The following NPAS3 variants were observed in gnomAD, a reference collection of about 807,000 sequenced individuals.
The protein encoded by NPAS3 is neuronal PAS domain protein 3.
A neutral mutation model predicts 73.1 loss-of-function variants in NPAS3; 14 were observed. The ratio of observed to expected loss-of-function variants is 0.19; its 90% confidence interval spans 0.13 to 0.30. The LOEUF (loss-of-function observed/expected upper bound fraction) is 0.30, where lower values mean the gene tolerates loss of function less well. Ranked by LOEUF, NPAS3 falls within the 10% of genes least tolerant of loss-of-function variation. NPAS3 has a pLI of 1.00. For missense variants in NPAS3, 1,096 were observed against 1,250.0 expected (o/e 0.88, Z 1.86); for synonymous variants, 620 against 541.5 (o/e 1.14, Z -2.01).
intron 4 of NPAS3, among the ~76,000 whole-genome samples, chr14:33,458,579 A>G (rs1422295493): frequency 6.6e-6 from 1 of 152,232 alleles, no homozygotes; most frequent in African/African-American, 2.4e-5. Context: ...TAACATTAGC[A>G]TGTTAATTGT....
chr14:33,368,030 CT>C (rs930961162), intron 4 of NPAS3, among the ~76,000 whole-genome samples: 6 of 152,132 alleles, frequency 3.9e-5, no homozygotes, highest in African/African-American at 1.4e-4. Flanking sequence ...GCCATGGCCA[CT>C]TTTTTTAATC....
rs1180999489 is a variant in NPAS3 at position 33,177,664 on chromosome 14, AC to A, written c.141-37517del. Among the ~76,000 whole-genome samples the A allele has an allele frequency of 2.8e-3, 426 of 152,262 alleles. 2 individuals are homozygous for A. The highest frequency in any genetic ancestry group is 9.7e-3 in the African/African-American group (405 of 41,562). ...TATAGTTTTAGCATTGATCCATTTT[AC>A]ATTCAATTTTGTAATTGCTATGACG... On this transcript the variant is annotated intron_variant, in intron 2 of 11. Transcript: ENST00000356141.
chr14:33,585,694 T>C (rs1350944281), intron 5 of NPAS3, among the ~76,000 whole-genome samples: 1 of 152,218 alleles, frequency 6.6e-6, no homozygotes, highest in Non-Finnish European at 1.5e-5. Context: ...TCAGAACTAA[T>C]GTCATTAATG....
intron 4 of NPAS3, among the ~76,000 whole-genome samples, chr14:33,529,368 G>T (rs1372974624): frequency 6.6e-6 from 1 of 152,054 alleles, no homozygotes. Context: ...GGGTATTTTA[G>T]ACAAAATAAC....
At chr14:33,405,704 C>T (rs1309778052) in intron 4 of NPAS3, among the ~76,000 whole-genome samples, 1 of 152,108 alleles carries the variant, frequency 6.6e-6, no homozygotes, top group Non-Finnish European at 1.5e-5. Flanking sequence ...TCTATAGGAA[C>T]ATAAAATTCA....
chr14:32,943,134 G>A (rs1305179179), intron 1 of NPAS3, among the ~76,000 whole-genome samples: 1 of 151,776 alleles, frequency 6.6e-6, no homozygotes, highest in East Asian at 1.9e-4. Flanking sequence ...ATTCCTTACA[G>A]TGAGCAAATG....
intron 5 of NPAS3, among the ~76,000 whole-genome samples, chr14:33,649,281 G>A (rs2058921847): frequency 1.3e-5 from 2 of 152,186 alleles, no homozygotes; most frequent in South Asian, 2.1e-4. Flanking sequence ...ACTTACAGCA[G>A]CTGGCCAGAT....
chr14:33,184,322 GA>G (rs2045909127), intron 2 of NPAS3, among the ~76,000 whole-genome samples: 1 of 152,158 alleles, frequency 6.6e-6, no homozygotes. Flanking sequence ...AGAGGCCCTG[GA>G]GAGGAGAGTG....
At chr14:33,456,000 G>T (rs574199223) in intron 4 of NPAS3, among the ~76,000 whole-genome samples, 1 of 152,302 alleles carries the variant, frequency 6.6e-6, no homozygotes, top group East Asian at 1.9e-4. Context: ...GAATATGGCA[G>T]TTTTTCTGCA....
intron 2 of NPAS3, among the ~76,000 whole-genome samples, chr14:33,088,534 G>A (rs112164534): frequency 1.9e-4 from 29 of 152,340 alleles, no homozygotes; most frequent in East Asian, 1.9e-4. Flanking sequence ...TAAACAAAGC[G>A]GCCAGGAAAC....
intron 1 of NPAS3, among the ~76,000 whole-genome samples, chr14:33,018,048 A>G (rs1440722597): frequency 6.6e-6 from 1 of 152,036 alleles, no homozygotes; most frequent in African/African-American, 2.4e-5. Context: ...AAAAAAAAGA[A>G]ACTGGTCCCA....
At chr14:33,774,701 A>G (rs2062758448) in intron 8 of NPAS3, among the ~76,000 whole-genome samples, 171 bp downstream of exon 8, 1 of 152,140 alleles carries the variant, frequency 6.6e-6, no homozygotes, top group South Asian at 2.1e-4. Flanking sequence ...TAAAATTTAC[A>G]TTGCTGCCCT....
intron 2 of NPAS3, among the ~76,000 whole-genome samples, chr14:33,086,904 C>G (rs953594691): frequency 6.6e-6 from 1 of 151,806 alleles, no homozygotes; most frequent in East Asian, 1.9e-4. Flanking sequence ...CTGGCATTAC[C>G]TGAAAATAGA....
intron 2 of NPAS3, among the ~76,000 whole-genome samples, chr14:33,197,596 A>T (rs2046418449): frequency 6.6e-6 from 1 of 152,210 alleles, no homozygotes; most frequent in African/African-American, 2.4e-5. Context: ...TAAAAAATAA[A>T]GGTAAAAGGT....
intron 6 of NPAS3, among the ~76,000 whole-genome samples, chr14:33,687,161 T>C (rs1029709834): frequency 6.6e-6 from 1 of 152,158 alleles, no homozygotes; most frequent in Non-Finnish European, 1.5e-5. Context: ...CTAGAAACTA[T>C]GGAGGTCTTA....
At chr14:33,304,166 A>G (rs984653253) in intron 3 of NPAS3, among the ~76,000 whole-genome samples, 6 of 152,212 alleles carry the variant, frequency 3.9e-5, no homozygotes, top group African/African-American at 1.4e-4. Flanking sequence ...AGAAACCTCC[A>G]TAGTTGCTCT....
At chr14:33,659,557 G>A (rs1388064498) in intron 5 of NPAS3, among the ~76,000 whole-genome samples, 1 of 152,102 alleles carries the variant, frequency 6.6e-6, no homozygotes, top group Non-Finnish European at 1.5e-5. Flanking sequence ...GAACTTATTA[G>A]CCTCAAAGAC....
intron 1 of NPAS3, among the ~76,000 whole-genome samples, chr14:33,055,631 T>G (rs1165309123): frequency 1.3e-5 from 2 of 151,978 alleles, no homozygotes; most frequent in Non-Finnish European, 2.9e-5. Context: ...TAGACCTATG[T>G]CTCTTTTCTT....
chr14:32,939,623 C>CAAAAAAAA (rs752795909), intron 1 of NPAS3, among the ~76,000 whole-genome samples: 2 of 110,280 alleles, frequency 1.8e-5, no homozygotes, highest in Non-Finnish European at 3.5e-5. Context: ...GACTCACTGA[C>CAAAAAAAA]AAAAAAAAAA....
Sources: gnomAD v4.1 joint callset for allele counts (sites outside exome capture counted in the v4.1 genomes callset) on GRCh38, gnomAD v4.1.1 for gene constraint, MANE v1.5 for transcripts, NCBI Gene and HGNC (gene_info 2026-07-23, HGNC 2026-07-21) for gene names.